Variants in WWOX observed in about 807,000 individuals in gnomAD.
WWOX encodes WW domain-containing oxidoreductase.
In WWOX, 69 loss-of-function variants were observed where a neutral mutation model predicts 46.2. The observed-to-expected ratio is 1.49, with a 90% CI of 1.23 to 1.82. The LOEUF is 1.82. WWOX is among the 40% of genes most tolerant of loss of function. The pLI is 0.00. For synonymous variants in WWOX, 359 were observed against 202.6 expected, an observed-to-expected ratio of 1.77 and a Z score of -6.56; for missense variants, 919 against 542.6, an observed-to-expected ratio of 1.69 and a Z score of -6.89.
At chr16:79,125,954 C>T (rs1334662503) in intron 8 of WWOX, among the ~76,000 whole-genome samples, 1 of 152,180 alleles carries the variant, frequency 6.6e-6, no homozygotes, top group African/African-American at 2.4e-5. Context: ...AGGAATCCGG[C>T]TGGTGGTGTT....
intron 3 of WWOX, among the ~76,000 whole-genome samples, chr16:78,111,112 A>C (rs2032464658): frequency 6.6e-6 from 1 of 152,156 alleles, no homozygotes; most frequent in Middle Eastern, 3.4e-3. Flanking sequence ...GTGTGAGTCC[A>C]CTTGCATGGA....
At chr16:78,511,499 C>T (rs1023908352) in intron 8 of WWOX, among the ~76,000 whole-genome samples, 2 of 152,180 alleles carry the variant, frequency 1.3e-5, no homozygotes, top group African/African-American at 2.4e-5. Flanking sequence ...GCCTGTTGCC[C>T]CCAAGCCTGT....
intron 5 of WWOX, among the ~76,000 whole-genome samples, chr16:78,307,083 A>G (rs889080435): frequency 3.3e-5 from 5 of 152,154 alleles, no homozygotes; most frequent in Admixed American, 2.6e-4. Flanking sequence ...AGCCTCTACC[A>G]TATCTTGTTT....
chr16:78,156,655 G>A (rs1019181233), intron 4 of WWOX, among the ~76,000 whole-genome samples: 1 of 152,160 alleles, frequency 6.6e-6, no homozygotes, highest in Non-Finnish European at 1.5e-5. Context: ...TGGGTGTGGT[G>A]GCTCACGCCT....
chr16:78,741,037 G>A (rs1456217770), intron 8 of WWOX, among the ~76,000 whole-genome samples: 2 of 152,140 alleles, frequency 1.3e-5, no homozygotes, highest in Non-Finnish European at 2.9e-5. Flanking sequence ...TGGGGCAGTG[G>A]CCAGCAAAGT....
chr16:78,878,927 C>G (rs943917277), intron 8 of WWOX, among the ~76,000 whole-genome samples: 1 of 138,644 alleles, frequency 7.2e-6, no homozygotes, highest in East Asian at 2.1e-4. Context: ...AAAAGCCTGT[C>G]ATAGTGGTAC....
intron 8 of WWOX, among the ~76,000 whole-genome samples, chr16:79,199,170 C>G (rs1034981019): frequency 2.6e-5 from 4 of 152,214 alleles, no homozygotes; most frequent in Non-Finnish European, 4.4e-5. Flanking sequence ...TCAAGCCATC[C>G]TCCCGCCTCA....
intron 5 of WWOX, among the ~76,000 whole-genome samples, chr16:78,166,552 T>G (rs368762419): frequency 1.3e-5 from 2 of 151,334 alleles, no homozygotes; most frequent in East Asian, 3.9e-4. Flanking sequence ...TTTCTTTTTT[T>G]TCTTTTTCTT....
At chr16:78,482,188 T>A (rs916514353) in intron 8 of WWOX, among the ~76,000 whole-genome samples, 6 of 152,122 alleles carry the variant, frequency 3.9e-5, no homozygotes, top group Non-Finnish European at 8.8e-5. Flanking sequence ...GAAGCAGAGG[T>A]TGAAGGAGGT....
chr16:78,413,697 CCTGA>C (rs1555534777), intron 6 of WWOX, among the ~76,000 whole-genome samples: 1 of 151,544 alleles, frequency 6.6e-6, no homozygotes, highest in Non-Finnish European at 1.5e-5. Context: ...GGCTCAGAGG[CCTGA>C]CACTGATTTG....
At chr16:78,579,489 G>T (rs757115408) in intron 8 of WWOX, among the ~76,000 whole-genome samples, 4 of 152,082 alleles carry the variant, frequency 2.6e-5, no homozygotes, top group African/African-American at 4.8e-5. Context: ...TATAAACCAG[G>T]GGGTAGGAAA....
At chr16:78,159,680 T>G (rs1275413839) in intron 4 of WWOX, among the ~76,000 whole-genome samples, 1 of 142,040 alleles carries the variant, frequency 7.0e-6, no homozygotes, top group African/African-American at 2.9e-5. Flanking sequence ...TGGTTTTTTT[T>G]TTTTTTTTTT....
At chr16:78,906,089 A>G (rs1429545297) in intron 8 of WWOX, among the ~76,000 whole-genome samples, 1 of 152,194 alleles carries the variant, frequency 6.6e-6, no homozygotes, top group Non-Finnish European at 1.5e-5. Flanking sequence ...TTGGTTAGGG[A>G]CCTTGAGTAA....
chr16:78,884,295 AAAAG>A (rs2044406941), intron 8 of WWOX, among the ~76,000 whole-genome samples: 1 of 52,162 alleles, frequency 1.9e-5, no homozygotes, highest in African/African-American at 6.7e-5. Flanking sequence ...AAAAAAAAAC[AAAAG>A]ACCATTTTTA....
intron 5 of WWOX, among the ~76,000 whole-genome samples, chr16:78,308,451 C>T (rs1229865461): frequency 6.6e-6 from 1 of 152,138 alleles, no homozygotes; most frequent in Non-Finnish European, 1.5e-5. Context: ...CTAAGGCTGA[C>T]AAAACAGACT....
intron 8 of WWOX, among the ~76,000 whole-genome samples, chr16:78,836,693 C>G (rs868482201): frequency 6.6e-6 from 1 of 152,190 alleles, no homozygotes; most frequent in African/African-American, 2.4e-5. Context: ...TGCAGAAATA[C>G]TGTAGCAGCT....
At chr16:78,691,864 C>A (rs796485849) in intron 8 of WWOX, among the ~76,000 whole-genome samples, 16 of 152,286 alleles carry the variant, frequency 1.1e-4, no homozygotes, top group African/African-American at 3.9e-4. Flanking sequence ...AGAATTCCCA[C>A]ATGTTGTGGG....
chr16:79,126,649 T>G (rs2049762443), intron 8 of WWOX, among the ~76,000 whole-genome samples: 1 of 152,176 alleles, frequency 6.6e-6, no homozygotes. Context: ...CTCAGGTATT[T>G]CTGTGTAGCA....
At chr16:78,104,750 G>T (rs2032034577) in intron 1 of WWOX, among the ~76,000 whole-genome samples, 1 of 152,056 alleles carries the variant, frequency 6.6e-6, no homozygotes, top group South Asian at 2.1e-4. Context: ...TAATTAAAAA[G>T]AACATCTTTT....
Sources: allele counts gnomAD v4.1 joint callset (sites outside exome capture counted in the v4.1 genomes callset), GRCh38; gene constraint gnomAD v4.1.1; transcripts MANE v1.5; gene names NCBI Gene and HGNC (gene_info 2026-07-23, HGNC 2026-07-21).